NALF1: variants seen among roughly 807,000 people sequenced by gnomAD.
NALF1 encodes family with sequence similarity 155 member A.
In NALF1, 3 loss-of-function variants were observed where a neutral mutation model predicts 48.4. The observed-to-expected ratio is 0.06, with a 90% CI of 0.03 to 0.16. NALF1 has a LOEUF of 0.16. NALF1 is among the 10% of genes least tolerant of loss of function. The pLI is 1.00. For missense variants in NALF1, 526 were observed against 571.5 expected, an observed-to-expected ratio of 0.92 and a Z score of 0.81; for synonymous variants, 262 against 245.7, an observed-to-expected ratio of 1.07 and a Z score of -0.62.
intron 1 of NALF1, among the ~76,000 whole-genome samples, chr13:107,260,075 C>T (rs1308053580): frequency 1.3e-5 from 2 of 152,162 alleles, no homozygotes; most frequent in Non-Finnish European, 2.9e-5. Context: ...GAATATAGAA[C>T]TGAATCTGGG....
intron 1 of NALF1, among the ~76,000 whole-genome samples, chr13:107,740,626 A>C: frequency 1.3e-5 from 2 of 152,368 alleles, no homozygotes; most frequent in South Asian, 4.1e-4. Flanking sequence ...TTAATTTCAA[A>C]CATTTTTCCA....
chr13:107,744,572 G>A, intron 1 of NALF1, among the ~76,000 whole-genome samples: 1 of 152,162 alleles, frequency 6.6e-6, no homozygotes, highest in African/African-American at 2.4e-5. Flanking sequence ...TCCAGCACCT[G>A]AATCTATAGA....
intron 1 of NALF1, among the ~76,000 whole-genome samples, chr13:107,289,333 CAA>C (rs1403104877): frequency 6.6e-6 from 1 of 152,176 alleles, no homozygotes; most frequent in Non-Finnish European, 1.5e-5. Context: ...TCTGAAGCAT[CAA>C]AGTTTGTCCT....
intron 1 of NALF1, among the ~76,000 whole-genome samples, chr13:107,641,299 A>C (rs755877152): frequency 1.1e-4 from 17 of 152,142 alleles, no homozygotes; most frequent in Non-Finnish European, 2.1e-4. Flanking sequence ...ATGGGTATGA[A>C]AATACCATTC....
chr13:107,296,670 C>T (rs16969967), intron 1 of NALF1, among the ~76,000 whole-genome samples: 7,858 of 152,160 alleles, frequency 0.052, 428 homozygotes, highest in East Asian at 0.32. Context: ...AGACTTCACT[C>T]GGTTAACATT....
At chr13:107,649,084 C>T (rs193235056) in intron 1 of NALF1, among the ~76,000 whole-genome samples, 3 of 152,090 alleles carry the variant, frequency 2.0e-5, no homozygotes, top group Admixed American at 1.3e-4. Context: ...GATAAAAGTC[C>T]CTTATCAGAC....
At chr13:107,357,132 C>A (rs1478807879) in intron 1 of NALF1, among the ~76,000 whole-genome samples, 2 of 152,008 alleles carry the variant, frequency 1.3e-5, no homozygotes, top group African/African-American at 4.8e-5. Context: ...AAACAAATAC[C>A]CGAGACTGGG....
At position 107,866,278 on chromosome 13, in the gene NALF1, G is replaced by A. The variant is rs574153936; in HGVS notation, c.319C>T (p.Leu107=). The A allele has an allele frequency of 2.5e-6, 4 of 1,600,364 alleles. No homozygotes were observed. In the South Asian group the frequency reaches 3.3e-5, roughly 13 times the overall value. The stretch of plus-strand genomic sequence containing the variant: ...GGCGAGGACTCCCCCATGCTCGCCA[G>A]GAGCGCGGGCCAGGAGGGCTCCTGC... The part of the protein sequence containing the change: ...RQQEPSWPAL[L]ASMGESSPAA... Residue 107 remains leucine (L), a synonymous_variant, in exon 1 of 3, where the codon CTG becomes TTG. Transcript: ENST00000375915. This position sits in a 1 kb window ranked among gnomAD's most constrained non-coding sequence, Gnocchi z 4.4.
At chr13:107,800,547 T>C (rs889728981) in intron 1 of NALF1, among the ~76,000 whole-genome samples, 1 of 148,694 alleles carries the variant, frequency 6.7e-6, no homozygotes, top group Non-Finnish European at 1.5e-5. Context: ...TTAAGTCTCA[T>C]AGTAATAAGT....
chr13:107,721,561 C>T (rs780464319), intron 1 of NALF1, among the ~76,000 whole-genome samples: 1 of 152,160 alleles, frequency 6.6e-6, no homozygotes, highest in East Asian at 1.9e-4. Context: ...TCTCTCTCTC[C>T]GTGTGGCCTC....
rs1878680526 is a variant in NALF1 at position 107,167,277 on chromosome 13, A to G, written c.*3220T>C. 6.6e-6 allele frequency: 1 copy of G among 152,224 alleles called. No homozygotes were observed. The highest frequency in any genetic ancestry group is 2.1e-4 in the South Asian group (1 of 4,834). The allele number at this position is 152,224 out of a possible 1,614,324, so 9.4% of individuals were successfully genotyped here. A position where few individuals can be genotyped will look rare whatever the true frequency, so the allele number is the denominator to read the frequency against. On this transcript the variant is annotated 3_prime_UTR_variant, in exon 3 of 3. Coordinates refer to ENST00000375915, the MANE Select transcript of NALF1 (RefSeq NM_001080396.3). ...TCTACAGGAAAAACTAAACAAGATG[A>G]TGATTACAAAGGAGCAGGGGCTGAA... is the stretch of plus-strand genomic sequence containing the variant.
chr13:107,542,679 T>C (rs1236529202), intron 1 of NALF1, among the ~76,000 whole-genome samples: 2 of 152,136 alleles, frequency 1.3e-5, no homozygotes, highest in African/African-American at 4.8e-5. Context: ...CCATGTCAAT[T>C]AAATGTAAAA....
intron 1 of NALF1, among the ~76,000 whole-genome samples, chr13:107,712,039 T>C (rs536287345): frequency 6.6e-6 from 1 of 151,952 alleles, no homozygotes; most frequent in South Asian, 2.1e-4. Context: ...AGCAAGAATA[T>C]ACAAATAAAA....
At chr13:107,365,631 T>C (rs1235374055) in intron 1 of NALF1, among the ~76,000 whole-genome samples, 2 of 152,224 alleles carry the variant, frequency 1.3e-5, no homozygotes, top group Non-Finnish European at 2.9e-5. Context: ...TACTGGGGAA[T>C]GGTTGACCTC....
Position 107,865,596 on chromosome 13 carries a change from A to T in NALF1, c.915+86T>A, listed in dbSNP as rs115023173. The T allele has an allele frequency of 1.1e-3, 1,720 of 1,505,724 alleles. 14 individuals are homozygous for T. The African/African-American group carries it at 0.022, about 19-fold the overall frequency. 93.3% of individuals were successfully genotyped at this position (1,505,724 alleles called of 1,614,324 possible). A position where few individuals can be genotyped will look rare whatever the true frequency, so the allele number is the denominator to read the frequency against. Reference sequence around the variant, plus strand: ...CAAAGTAACAAAACCATAGCCAAAAAATAATAATAATAAACTTGAGAAGAC... The same window carrying T: ...CAAAGTAACAAAACCATAGCCAAAATATAATAATAATAAACTTGAGAAGAC... On this transcript the variant is annotated intron_variant, in intron 1 of 2. Transcript: ENST00000375915.
At chr13:107,706,971 G>A (rs112835148) in intron 1 of NALF1, among the ~76,000 whole-genome samples, 10,157 of 116,034 alleles carry the variant, frequency 0.088, 550 homozygotes, top group African/African-American at 0.18. Flanking sequence ...CGCCCAGGCT[G>A]GAGTGCAGTG....
chr13:107,178,923 T>A lies in NALF1; in HGVS notation c.1088-8137A>T, dbSNP rs188873831. 2.0e-3 allele frequency among the ~76,000 whole-genome samples: 301 copies of A among 150,624 alleles called. 3 individuals carry two copies. The highest frequency in any genetic ancestry group is 0.015 in the South Asian group (72 of 4,742). On this transcript the variant is annotated intron_variant, in intron 2 of 2. Coordinates refer to ENST00000375915, the MANE Select transcript of NALF1 (RefSeq NM_001080396.3). ...TCCCGCCACTGCACTCCAGCCTGGG[T>A]CACAGAGTGAGACTCTGTCTCAAAA...
chr13:107,226,039 A>G (rs762264699), intron 1 of NALF1, among the ~76,000 whole-genome samples: 33 of 152,220 alleles, frequency 2.2e-4, no homozygotes, highest in Non-Finnish European at 4.4e-4. Context: ...TGGCTTCAAT[A>G]GTCTTTACAG....
At chr13:107,307,064 C>T (rs1422621406) in intron 1 of NALF1, among the ~76,000 whole-genome samples, 1 of 152,164 alleles carries the variant, frequency 6.6e-6, no homozygotes, top group Non-Finnish European at 1.5e-5. Flanking sequence ...CTTAATAACA[C>T]GTTTTCATAT....
Sources: gnomAD v4.1 joint callset for allele counts (sites outside exome capture counted in the v4.1 genomes callset) on GRCh38, gnomAD v4.1.1 for gene constraint, Gnocchi (gnomAD v3.1) non-coding constraint, MANE v1.5 for transcripts, NCBI Gene and HGNC (gene_info 2026-07-23, HGNC 2026-07-21) for gene names.